Variants in DOCK4 observed in about 807,000 individuals in gnomAD.
The protein encoded by DOCK4 is dedicator of cytokinesis 4.
Under a neutral mutation model 268.1 loss-of-function variants are expected in DOCK4, and 97 were observed. The ratio of observed to expected loss-of-function variants is 0.36; its 90% CI spans 0.31 to 0.43. The LOEUF is 0.43. DOCK4 is among the 20% of genes least tolerant of loss of function. The pLI, the probability that DOCK4 is intolerant of heterozygous loss-of-function variation, is 1.00. For synonymous variants in DOCK4, 954 were observed against 887.2 expected (o/e 1.08, Z -1.34); for missense variants, 2,145 against 2,455.7 (o/e 0.87, Z 2.67).
chr7:111,838,324 A>G (rs1413563970), intron 25 of DOCK4, among the ~76,000 whole-genome samples: 1 of 152,154 alleles, frequency 6.6e-6, no homozygotes. Context: ...ATAAAACATG[A>G]CAATCAAGAT....
At chr7:112,105,711 C>T (rs1204203707) in intron 1 of DOCK4, among the ~76,000 whole-genome samples, 1 of 143,716 alleles carries the variant, frequency 7.0e-6, no homozygotes, top group Non-Finnish European at 1.5e-5. Flanking sequence ...TTCTTCGAGG[C>T]AGCGTCTCAG....
At chr7:112,047,851 C>G (rs908163966) in intron 1 of DOCK4, among the ~76,000 whole-genome samples, 1 of 152,084 alleles carries the variant, frequency 6.6e-6, no homozygotes, top group South Asian at 2.1e-4. Context: ...TGCCACCATG[C>G]CTGGCTAGGT....
intron 8 of DOCK4, among the ~76,000 whole-genome samples, chr7:111,949,572 A>G (rs1020766892): frequency 6.6e-6 from 1 of 152,204 alleles, no homozygotes; most frequent in African/African-American, 2.4e-5. Flanking sequence ...AAACAGACTG[A>G]AAATGGGTAC....
Position 112,108,138 on chromosome 7 carries a change from A to T in DOCK4, c.37+97964T>A, listed in dbSNP as rs1811297905. Reference sequence around the variant, plus strand: ...ATTATAAGAGCCTAAGATTAGTATAATACAAACATTTCTGAAATTACATGC... The same window carrying T: ...ATTATAAGAGCCTAAGATTAGTATATTACAAACATTTCTGAAATTACATGC... On this transcript the variant is annotated intron_variant, in intron 1 of 52. Transcript: ENST00000428084. Among the ~76,000 whole-genome samples the T allele has an allele frequency of 2.0e-5, 3 of 152,364 alleles. No individual in the cohort carries two copies. The South Asian group carries it at 6.2e-4, about 32-fold the overall frequency.
intron 11 of DOCK4, among the ~76,000 whole-genome samples, chr7:111,938,035 T>A (rs1299309608): frequency 2.0e-5 from 3 of 152,176 alleles, no homozygotes; most frequent in Non-Finnish European, 2.9e-5. Flanking sequence ...GACCACCAGT[T>A]AAGTATGGAA....
chr7:111,818,484 C>T (rs528742496), intron 27 of DOCK4, among the ~76,000 whole-genome samples: 19 of 152,170 alleles, frequency 1.2e-4, no homozygotes, highest in Non-Finnish European at 2.4e-4. Context: ...GAACACCTTC[C>T]GTTACTTTTC....
Position 112,034,571 on chromosome 7 carries a change from G to A in DOCK4, c.38-30440C>T, listed in dbSNP as rs145891401. ...CAGAGTTGGAGTCAAGTTGAACCAC[G>A]CATGGCTGCATGGAGTGGGCAGGGG... On this transcript the variant is annotated intron_variant, in intron 1 of 52. Transcript: ENST00000428084. Among the ~76,000 whole-genome samples, 38 of 152,316 alleles carry A rather than the reference G, an allele frequency of 2.5e-4. No homozygotes were observed. In the East Asian group the frequency reaches 4.8e-3, roughly 19 times the overall value.
chr7:112,196,387 T>C (rs189234814), intron 1 of DOCK4, among the ~76,000 whole-genome samples: 4 of 152,274 alleles, frequency 2.6e-5, no homozygotes, highest in Non-Finnish European at 4.4e-5. Flanking sequence ...AGCTTTGTTA[T>C]TGCAATACTT....
At chr7:112,142,966 A>G (rs986927250) in intron 1 of DOCK4, among the ~76,000 whole-genome samples, 6 of 152,104 alleles carry the variant, frequency 3.9e-5, no homozygotes, top group Non-Finnish European at 8.8e-5. Context: ...AACTTTGTAC[A>G]TGTGTCTTTT....
intron 1 of DOCK4, among the ~76,000 whole-genome samples, chr7:112,047,397 A>T (rs1804919432): frequency 6.6e-6 from 1 of 152,206 alleles, no homozygotes; most frequent in African/African-American, 2.4e-5. Context: ...AAAATCAACC[A>T]ATCTAAAATG....
chr7:111,998,628 T>C (rs1800167602), intron 3 of DOCK4, 125 bp from the exon 4 acceptor site: 3 of 529,304 alleles, frequency 5.7e-6, no homozygotes, highest in South Asian at 4.9e-5. Flanking sequence ...GCAACATCTC[T>C]ACCACATTCT....
intron 26 of DOCK4, among the ~76,000 whole-genome samples, chr7:111,831,056 T>G (rs935993767): frequency 2.6e-5 from 4 of 151,878 alleles, no homozygotes; most frequent in Non-Finnish European, 5.9e-5. Flanking sequence ...GCTGACAGTT[T>G]CCAGATCTAC....
intron 10 of DOCK4, among the ~76,000 whole-genome samples, chr7:111,942,366 A>G (rs111675527): frequency 6.6e-6 from 1 of 152,196 alleles, no homozygotes; most frequent in Non-Finnish European, 1.5e-5. Context: ...AAATAGGTAC[A>G]AGAGACATTC....
chr7:111,786,186 A>G (rs1013546826), intron 32 of DOCK4, among the ~76,000 whole-genome samples: 5 of 152,192 alleles, frequency 3.3e-5, no homozygotes, highest in African/African-American at 1.2e-4. Flanking sequence ...ATTATTTAGA[A>G]CTGCATAGGA....
chr7:112,134,620 G>A (rs1814142117), intron 1 of DOCK4, among the ~76,000 whole-genome samples: 2 of 152,174 alleles, frequency 1.3e-5, no homozygotes, highest in African/African-American at 4.8e-5. Flanking sequence ...GGAGGCTGAG[G>A]CAGGAGAATG....
chr7:111,765,670 G>C (rs1244065495), intron 38 of DOCK4, among the ~76,000 whole-genome samples: 2 of 152,176 alleles, frequency 1.3e-5, no homozygotes, highest in African/African-American at 4.8e-5. Context: ...CTGTGGGTTT[G>C]CCTCCACCTG....
intron 22 of DOCK4, among the ~76,000 whole-genome samples, chr7:111,865,136 G>C (rs1027179694): frequency 1.3e-5 from 2 of 152,202 alleles, no homozygotes; most frequent in African/African-American, 4.8e-5. Context: ...TGTCTAGCAG[G>C]GTTTGGGGCC....
At chr7:112,205,945 T>C (rs1310200146) in intron 1 of DOCK4, among the ~76,000 whole-genome samples, 157 bp downstream of exon 1, 1 of 152,110 alleles carries the variant, frequency 6.6e-6, no homozygotes, top group Non-Finnish European at 1.5e-5. Flanking sequence ...CGCAGCCCTC[T>C]GCCTGGAGCT....
chr7:112,092,565 A>G (rs999681773), intron 1 of DOCK4, among the ~76,000 whole-genome samples: 4 of 152,116 alleles, frequency 2.6e-5, no homozygotes, highest in Admixed American at 2.0e-4. Context: ...TTGACCTCAC[A>G]TGAGAACTCT....
Sources: allele counts gnomAD v4.1 joint callset (sites outside exome capture counted in the v4.1 genomes callset), GRCh38; gene constraint gnomAD v4.1.1; transcripts MANE v1.5; gene names NCBI Gene and HGNC (gene_info 2026-07-23, HGNC 2026-07-21).